The following PRKAR1B variants were observed in gnomAD, a reference collection of about 807,000 sequenced individuals.
PRKAR1B encodes protein kinase cAMP-dependent type I regulatory subunit beta.
Under a neutral mutation model 46.5 loss-of-function variants are expected in PRKAR1B, and 22 were observed. The ratio of observed to expected loss-of-function variants is 0.47; its 90% CI spans 0.34 to 0.68. PRKAR1B has a LOEUF of 0.68. PRKAR1B is among the 30% of genes least tolerant of loss of function. PRKAR1B has a pLI of 0.01. For synonymous variants in PRKAR1B, 259 were observed against 217.7 expected (o/e 1.19, Z -1.67); for missense variants, 445 against 535.6 (o/e 0.83, Z 1.67).
intron 9 of PRKAR1B, 86 bp downstream of exon 9, chr7:579,170 T>C (rs1027866736): frequency 1.2e-6 from 2 of 1,604,872 alleles, no homozygotes; most frequent in Non-Finnish European, 1.7e-6. Context: ...AGAGGGAGGG[T>C]GAGGCGGGCA....
At chr7:648,797 T>C (rs1015120014) in intron 4 of PRKAR1B, among the ~76,000 whole-genome samples, 1 of 148,326 alleles carries the variant, frequency 6.7e-6, no homozygotes, top group African/African-American at 2.5e-5. Flanking sequence ...AATAAATAAA[T>C]AAATAAATGA....
chr7:590,937 G>A (rs547714132), intron 7 of PRKAR1B, among the ~76,000 whole-genome samples: 3 of 152,258 alleles, frequency 2.0e-5, no homozygotes, highest in East Asian at 1.9e-4. Context: ...AGAGCGGGCC[G>A]GATGCCCGGG....
chr7:615,684 C>T (rs1374978289), intron 4 of PRKAR1B, among the ~76,000 whole-genome samples: 3 of 148,798 alleles, frequency 2.0e-5, no homozygotes, highest in Non-Finnish European at 4.5e-5. Flanking sequence ...AAAAATTAGC[C>T]GGGCGTGGTG....
chr7:728,229 C>T (rs1423275212), upstream of PRKAR1B, among the ~76,000 whole-genome samples: 2 of 152,154 alleles, frequency 1.3e-5, no homozygotes, highest in East Asian at 3.9e-4. Context: ...TAGCAGGCGC[C>T]TGCTTCCTGC....
At chr7:654,623 A>C (rs1785094930) in intron 4 of PRKAR1B, among the ~76,000 whole-genome samples, 1 of 151,752 alleles carries the variant, frequency 6.6e-6, no homozygotes, top group Admixed American at 6.6e-5. Flanking sequence ...CACCATCCTC[A>C]TCACCTTCAT....
intron 2 of PRKAR1B, among the ~76,000 whole-genome samples, chr7:698,910 G>A: frequency 6.6e-6 from 1 of 151,990 alleles, no homozygotes; most frequent in East Asian, 1.9e-4. Flanking sequence ...CTCTCCCCAC[G>A]CAGCAGCAGC....
intron 9 of PRKAR1B, among the ~76,000 whole-genome samples, chr7:558,783 C>T (rs1012676705): frequency 1.3e-5 from 2 of 152,172 alleles, no homozygotes; most frequent in African/African-American, 4.8e-5. Context: ...GAAGGAAAAC[C>T]AGCCAAGGTC....
chr7:570,747 G>A (rs536491087), intron 9 of PRKAR1B, among the ~76,000 whole-genome samples: 68 of 152,260 alleles, frequency 4.5e-4, no homozygotes, highest in Admixed American at 2.9e-3. Flanking sequence ...CCGGTCAGCA[G>A]AGCTCTGCAA....
intron 4 of PRKAR1B, among the ~76,000 whole-genome samples, chr7:637,260 A>G (rs1784163332): frequency 6.6e-6 from 1 of 152,034 alleles, no homozygotes. Context: ...TCTAACTAAA[A>G]ATACAAAAAT....
intron 4 of PRKAR1B, among the ~76,000 whole-genome samples, chr7:672,684 A>G (rs1312706373): frequency 1.3e-5 from 2 of 151,720 alleles, no homozygotes; most frequent in East Asian, 4.0e-4. Context: ...CCTGGCCAAC[A>G]TGGTGAAACC....
intron 9 of PRKAR1B, among the ~76,000 whole-genome samples, chr7:557,019 C>G (rs997253405): frequency 6.6e-6 from 1 of 152,246 alleles, no homozygotes; most frequent in Non-Finnish European, 1.5e-5. Context: ...ACCTCCTGAG[C>G]TGCAGAGAAC....
Position 644,116 on chromosome 7 carries a change from G to A in PRKAR1B, c.440+33113C>T, listed in dbSNP as rs570536977. Among the ~76,000 whole-genome samples the A allele has an allele frequency of 5.3e-4, 80 of 152,260 alleles. No individual in the cohort carries two copies. Among genetic ancestry groups the A allele is most frequent in the African/African-American group, 1.9e-3 (79 of 41,534 alleles). The stretch of plus-strand genomic sequence containing the variant: ...GTCTTCATCTTGCAGACAAACAGAG[G>A]TGCTAAGTCACGGGCCACATGCACC... On this transcript the variant is annotated intron_variant, in intron 4 of 10. Coordinates refer to ENST00000537384, the MANE Select transcript of PRKAR1B (RefSeq NM_001164760.2). The surrounding 1 kb of genome is among the most constrained non-coding windows in gnomAD (Gnocchi z 4.9).
At chr7:591,334 AG>A (rs1423500798) in intron 7 of PRKAR1B, among the ~76,000 whole-genome samples, 3 of 152,196 alleles carry the variant, frequency 2.0e-5, no homozygotes, top group African/African-American at 7.2e-5. Context: ...GGCATCCCCA[AG>A]GGGGGCTTTG....
chr7:695,518 A>T (rs1008949107), intron 2 of PRKAR1B, among the ~76,000 whole-genome samples: 1 of 152,172 alleles, frequency 6.6e-6, no homozygotes, highest in Non-Finnish European at 1.5e-5. Context: ...TCCATGATGG[A>T]GACTGCAGTG....
At chr7:641,248 G>T (rs1784371636) in intron 4 of PRKAR1B, among the ~76,000 whole-genome samples, 1 of 152,096 alleles carries the variant, frequency 6.6e-6, no homozygotes, top group Admixed American at 6.5e-5. Flanking sequence ...CACCGCGCCC[G>T]GCCGGAAAAG....
At position 569,884 on chromosome 7, in the gene PRKAR1B, C is replaced by T. The variant is rs560659947; in HGVS notation, c.891+9372G>A. On this transcript the variant is annotated intron_variant, in intron 9 of 10. Transcript: ENST00000537384. ...GGCCAGACCCCGAGGGCCCTGGAAC[C>T]GTCACTGTCCCCGCGCAGATGTCCG... Among the ~76,000 whole-genome samples, 6 of 152,308 alleles carry T rather than the reference C, an allele frequency of 3.9e-5. No individual in the cohort carries two copies. In the South Asian group the frequency reaches 1.0e-3, roughly 26 times the overall value.
intron 9 of PRKAR1B, among the ~76,000 whole-genome samples, chr7:553,128 C>G (rs932118988): frequency 1.3e-5 from 2 of 152,200 alleles, no homozygotes; most frequent in Non-Finnish European, 2.9e-5. Flanking sequence ...TGTGGCCAGA[C>G]GGGGCTGCCG....
At chr7:686,836 C>T (rs992965806) in intron 2 of PRKAR1B, among the ~76,000 whole-genome samples, 2 of 152,118 alleles carry the variant, frequency 1.3e-5, no homozygotes, top group African/African-American at 2.4e-5. Flanking sequence ...AGCCGAGAAG[C>T]TGACAGGCTG....
rs934625036 is a variant in PRKAR1B at position 714,903 on chromosome 7, T to C, written c.-22-3376A>G. ...AATTATGTTCATCAATAAATACCTT[T>C]GGCCGGATGCGGTGGTTCACACCTG... On this transcript the variant is annotated intron_variant, in intron 1 of 10. Transcript: ENST00000537384. This position sits in a 1 kb window ranked among gnomAD's most constrained non-coding sequence, Gnocchi z 4.3. 1.3e-5 allele frequency among the ~76,000 whole-genome samples: 2 copies of C among 152,176 alleles called. No homozygotes were observed. The highest frequency in any genetic ancestry group is 4.8e-5 in the African/African-American group (2 of 41,442).
Sources: gnomAD v4.1 joint callset for allele counts (sites outside exome capture counted in the v4.1 genomes callset) on GRCh38, gnomAD v4.1.1 for gene constraint, Gnocchi (gnomAD v3.1) non-coding constraint, MANE v1.5 for transcripts, NCBI Gene and HGNC (gene_info 2026-07-23, HGNC 2026-07-21) for gene names.